The following ZNF536 variants were observed in gnomAD, a reference collection of about 807,000 sequenced individuals.
ZNF536 encodes the protein zinc finger protein 536.
In ZNF536, 13 loss-of-function variants were observed where a neutral mutation model predicts 84.5. That is an observed-to-expected ratio of 0.15 (90% CI 0.10 to 0.24). The LOEUF is 0.24. Ranked by LOEUF, ZNF536 falls within the 10% of genes least tolerant of loss-of-function variation. ZNF536 has a pLI of 1.00. For synonymous variants in ZNF536, 811 were observed against 742.5 expected (o/e 1.09, Z -1.50); for missense variants, 1,536 against 1,747.5 (o/e 0.88, Z 2.16).
At chr19:30,683,207 C>T (rs1747635501) in intron 1 of ZNF536, among the ~76,000 whole-genome samples, 1 of 152,212 alleles carries the variant, frequency 6.6e-6, no homozygotes, top group South Asian at 2.1e-4. Context: ...GGGGAATTTT[C>T]TCAGCCTGGC....
intron 2 of ZNF536, among the ~76,000 whole-genome samples, chr19:30,453,731 C>T (rs1282880551): frequency 6.6e-6 from 1 of 152,230 alleles, no homozygotes; most frequent in African/African-American, 2.4e-5. Context: ...TCTTCAGCTA[C>T]CTGATGGGTG....
chr19:30,570,321 G>A (rs1002593062), intron 1 of ZNF536, among the ~76,000 whole-genome samples: 1 of 152,164 alleles, frequency 6.6e-6, no homozygotes, highest in Non-Finnish European at 1.5e-5. Context: ...TGGGCTGGAA[G>A]GCAGGAACTT....
At chr19:30,700,080 CCT>C (rs1456737689) in intron 1 of ZNF536, among the ~76,000 whole-genome samples, 2 of 140,714 alleles carry the variant, frequency 1.4e-5, no homozygotes, top group East Asian at 2.2e-4. Context: ...CTTCTCTCTC[CCT>C]CTTTCTTTCT....
chr19:30,308,794 C>A (rs546348534), intron 2 of ZNF536, among the ~76,000 whole-genome samples: 4 of 152,304 alleles, frequency 2.6e-5, no homozygotes, highest in African/African-American at 9.6e-5. Context: ...GTGTTTTGTG[C>A]GGTCTCACTC....
chr19:30,517,836 G>A (rs1184590492), intron 2 of ZNF536, among the ~76,000 whole-genome samples: 1 of 152,088 alleles, frequency 6.6e-6, no homozygotes, highest in Non-Finnish European at 1.5e-5. Context: ...TTTAACACAT[G>A]AAAACCCTGT....
chr19:30,335,918 A>G (rs1267878683), intron 2 of ZNF536, among the ~76,000 whole-genome samples: 4 of 152,078 alleles, frequency 2.6e-5, no homozygotes, highest in African/African-American at 9.7e-5. Flanking sequence ...TCAGATGACC[A>G]TCCCCACTGA....
At chr19:30,381,051 AT>A (rs2049002148) in intron 1 of ZNF536, among the ~76,000 whole-genome samples, 4 of 151,790 alleles carry the variant, frequency 2.6e-5, no homozygotes, top group Admixed American at 2.6e-4. Flanking sequence ...TAATTTTAAA[AT>A]TTTTTTGTAG....
chr19:30,524,201 G>GGA (rs1366578421), intron 2 of ZNF536, among the ~76,000 whole-genome samples: 4 of 152,196 alleles, frequency 2.6e-5, no homozygotes, highest in African/African-American at 9.7e-5. Context: ...GTACAGCCTG[G>GGA]GAGAGGTAAT....
At chr19:30,250,979 A>G (rs2024575019) in intron 1 of ZNF536, among the ~76,000 whole-genome samples, 1 of 152,018 alleles carries the variant, frequency 6.6e-6, no homozygotes, top group African/African-American at 2.4e-5. Context: ...TCTGTCCATG[A>G]TGTTACACGG....
intron 1 of ZNF536, among the ~76,000 whole-genome samples, chr19:30,638,068 A>G (rs1490385226): frequency 6.6e-6 from 1 of 152,102 alleles, no homozygotes; most frequent in African/African-American, 2.4e-5. Context: ...TGAATGTTCC[A>G]GTCTGCATCA....
intron 1 of ZNF536, among the ~76,000 whole-genome samples, chr19:30,247,789 A>T (rs1367481307): frequency 6.6e-6 from 1 of 152,216 alleles, no homozygotes; most frequent in African/African-American, 2.4e-5. Context: ...TGATCAAGAC[A>T]CTGCACTCCA....
chr19:30,236,494 A>G (rs1448581757), intron 1 of ZNF536, among the ~76,000 whole-genome samples: 2 of 149,470 alleles, frequency 1.3e-5, no homozygotes, highest in Non-Finnish European at 3.0e-5. Flanking sequence ...ATTCATCCTG[A>G]AAGTATTTTG....
At chr19:30,652,120 C>T (rs573620183) in intron 1 of ZNF536, among the ~76,000 whole-genome samples, 1 of 152,206 alleles carries the variant, frequency 6.6e-6, no homozygotes, top group South Asian at 2.1e-4. Flanking sequence ...AACTTTGGAA[C>T]TCATATAAAG....
At chr19:30,662,712 A>G (rs1010861954) in intron 1 of ZNF536, among the ~76,000 whole-genome samples, 26 of 152,132 alleles carry the variant, frequency 1.7e-4, no homozygotes, top group African/African-American at 6.3e-4. Context: ...TCAATTGGAA[A>G]CTGAAAGCCA....
intron 1 of ZNF536, among the ~76,000 whole-genome samples, chr19:30,280,241 C>T (rs1048312712): frequency 6.6e-6 from 1 of 152,070 alleles, no homozygotes; most frequent in Non-Finnish European, 1.5e-5. Context: ...CCCTCTCTTT[C>T]CTCCTGCCCC....
chr19:30,511,748 C>T (rs1277137798), intron 2 of ZNF536, among the ~76,000 whole-genome samples: 3 of 152,046 alleles, frequency 2.0e-5, no homozygotes, highest in East Asian at 3.9e-4. Flanking sequence ...TTATTTAAGT[C>T]GGATGCTTGG....
intron 2 of ZNF536, among the ~76,000 whole-genome samples, chr19:30,521,565 G>A (rs951316413): frequency 2.0e-5 from 3 of 152,194 alleles, no homozygotes; most frequent in Non-Finnish European, 4.4e-5. Context: ...CAGGAGGCTA[G>A]TCCTGGAGCT....
chr19:30,349,174 A>G (rs1185476729), intron 2 of ZNF536, among the ~76,000 whole-genome samples: 2 of 152,228 alleles, frequency 1.3e-5, no homozygotes, highest in African/African-American at 2.4e-5. Flanking sequence ...ACTCAACTTT[A>G]CTTACTGCAT....
intron 1 of ZNF536, among the ~76,000 whole-genome samples, chr19:30,642,354 C>G (rs1191808515): frequency 6.6e-6 from 1 of 152,084 alleles, no homozygotes. Context: ...GGTCTTGTTG[C>G]AGGAAAGTTC....
Sources: gnomAD v4.1 joint callset for allele counts (sites outside exome capture counted in the v4.1 genomes callset) on GRCh38, gnomAD v4.1.1 for gene constraint, MANE v1.5 for transcripts, NCBI Gene and HGNC (gene_info 2026-07-23, HGNC 2026-07-21) for gene names.